Variants in MATCAP1 observed in about 807,000 individuals in gnomAD.
The protein encoded by MATCAP1 is microtubule-associated tyrosine carboxypeptidase 1.
the MATCAP1 span, among the ~76,000 whole-genome samples, chr16:67,182,340 A>G: frequency 6.6e-6 from 1 of 151,086 alleles, no homozygotes; most frequent in South Asian, 2.1e-4. Context: ...TTCTCCTCCT[A>G]CCTTGCTGGT....
At chr16:67,179,496 T>C in the MATCAP1 span, 1 of 1,613,090 alleles carries the variant, frequency 6.2e-7, no homozygotes, top group Non-Finnish European at 8.5e-7. This position sits in a 1 kb window ranked among gnomAD's most constrained non-coding sequence, Gnocchi z 5.2. Flanking sequence ...ATCGCCAATG[T>C]GGGCCGGCTG....
the MATCAP1 span, among the ~76,000 whole-genome samples, chr16:67,182,526 GAT>G: frequency 6.6e-6 from 1 of 152,218 alleles, no homozygotes; most frequent in Non-Finnish European, 1.5e-5. Context: ...TGCAATTTGA[GAT>G]ACTGTCTATT....
the MATCAP1 span, chr16:67,178,272 G>T: frequency 2.5e-6 from 4 of 1,570,994 alleles, no homozygotes; most frequent in Non-Finnish European, 3.5e-6. Context: ...CGTCCTGCAC[G>T]TAGCGCTCCA....
chr16:67,179,929 C>G, the MATCAP1 span: 5 of 1,614,252 alleles, frequency 3.1e-6, no homozygotes, highest in Non-Finnish European at 4.2e-6. The surrounding 1 kb of genome is among the most constrained non-coding windows in gnomAD (Gnocchi z 5.2). Flanking sequence ...TTCCAAACTT[C>G]TCCAGAACAG....
At chr16:67,176,918 C>T in the MATCAP1 span, 1 of 1,608,380 alleles carries the variant, frequency 6.2e-7, no homozygotes, top group Non-Finnish European at 8.5e-7. This position sits in a 1 kb window ranked among gnomAD's most constrained non-coding sequence, Gnocchi z 4.3. Flanking sequence ...AAGTGGGGCA[C>T]CCGGGTATTA....
the MATCAP1 span, among the ~76,000 whole-genome samples, chr16:67,183,081 G>A: frequency 5.9e-5 from 9 of 152,014 alleles, no homozygotes; most frequent in South Asian, 1.9e-3. Context: ...TCCCTATCTA[G>A]ACTTCATCTT....
At chr16:67,177,868 C>A in the MATCAP1 span, 2 of 685,410 alleles carry the variant, frequency 2.9e-6, no homozygotes, top group Non-Finnish European at 5.1e-6. Context: ...ATTTCATCTC[C>A]TGTTCTCACT....
chr16:67,180,640 C>G, the MATCAP1 span: 17 of 1,460,760 alleles, frequency 1.2e-5, no homozygotes, highest in African/African-American at 2.0e-4. Context: ...CCAGCCGGGT[C>G]ACTCCAACTC....
At chr16:67,182,490 C>T in the MATCAP1 span, among the ~76,000 whole-genome samples, 1 of 152,206 alleles carries the variant, frequency 6.6e-6, no homozygotes, top group African/African-American at 2.4e-5. Context: ...CTTCCATAAA[C>T]TTTAGACCAG....
the MATCAP1 span, chr16:67,176,054 AGTGTGTGT>A: frequency 0.14 from 10,010 of 71,210 alleles, 681 homozygotes; most frequent in Admixed American, 0.17. This position sits in a 1 kb window ranked among gnomAD's most constrained non-coding sequence, Gnocchi z 4.3. Context: ...GGCCTGAATC[AGTGTGTGT>A]GTGTGTGTGT....
chr16:67,179,612 G>T, the MATCAP1 span: 1 of 1,558,374 alleles, frequency 6.4e-7, no homozygotes, highest in Non-Finnish European at 8.8e-7. The surrounding 1 kb of genome is among the most constrained non-coding windows in gnomAD (Gnocchi z 5.2). Flanking sequence ...GGGCCAGGGT[G>T]CAGGTGGACC....
chr16:67,179,110 T>C, the MATCAP1 span: 1 of 1,191,008 alleles, frequency 8.4e-7, no homozygotes, highest in Non-Finnish European at 1.0e-6. The surrounding 1 kb of genome is among the most constrained non-coding windows in gnomAD (Gnocchi z 5.2). Flanking sequence ...GGTGGGACCC[T>C]GAGGGTTCTT....
chr16:67,176,455 T>C, the MATCAP1 span: 26 of 186,834 alleles, frequency 1.4e-4, no homozygotes, highest in Non-Finnish European at 2.6e-4. The surrounding 1 kb of genome is among the most constrained non-coding windows in gnomAD (Gnocchi z 4.3). Context: ...ACTGGAGTAC[T>C]GGGACAACCA....
chr16:67,176,938 C>T, the MATCAP1 span: 4 of 1,597,058 alleles, frequency 2.5e-6, no homozygotes, highest in Non-Finnish European at 3.4e-6. The surrounding 1 kb of genome is among the most constrained non-coding windows in gnomAD (Gnocchi z 4.3). Flanking sequence ...ATCCAGCACC[C>T]CATGGGGCCG....
the MATCAP1 span, chr16:67,178,216 G>C: frequency 1.3e-6 from 2 of 1,542,182 alleles, no homozygotes; most frequent in Non-Finnish European, 8.8e-7. Context: ...CGAGGTGTCG[G>C]TCTGGCCGCG....
the MATCAP1 span, among the ~76,000 whole-genome samples, chr16:67,182,693 G>A: frequency 6.6e-6 from 1 of 152,196 alleles, no homozygotes; most frequent in Non-Finnish European, 1.5e-5. Flanking sequence ...TATGTCCTCT[G>A]TCTGGGATGT....
At chr16:67,178,389 C>T in the MATCAP1 span, 2 of 1,550,362 alleles carry the variant, frequency 1.3e-6, no homozygotes, top group African/African-American at 1.4e-5. Context: ...GCACGCTGTG[C>T]AGGCTGGCCA....
the MATCAP1 span, chr16:67,178,900 G>A: frequency 3.2e-5 from 14 of 440,802 alleles, 1 homozygote; most frequent in East Asian, 7.2e-4. Context: ...GATGCCCCCG[G>A]TAAAAATCAC....
At chr16:67,179,261 C>T in the MATCAP1 span, 2 of 1,461,210 alleles carry the variant, frequency 1.4e-6, no homozygotes, top group South Asian at 2.9e-5. The surrounding 1 kb of genome is among the most constrained non-coding windows in gnomAD (Gnocchi z 5.2). Context: ...TCTGGCCTAC[C>T]TCTGTAAGCA....
Sources: allele counts gnomAD v4.1 joint callset (sites outside exome capture counted in the v4.1 genomes callset), GRCh38; gene constraint gnomAD v4.1.1; non-coding constraint Gnocchi (gnomAD v3.1); transcripts MANE v1.5; gene names NCBI Gene and HGNC (gene_info 2026-07-23, HGNC 2026-07-21).